The following AQP9 variants were observed in gnomAD, a reference collection of about 807,000 sequenced individuals.
The protein encoded by AQP9 is aquaporin-9.
AQP9 carries 19 observed loss-of-function variants against 23.8 expected under a neutral mutation model. The ratio of observed to expected loss-of-function variants is 0.80; its 90% CI spans 0.56 to 1.17. The LOEUF (loss-of-function observed/expected upper bound fraction) is 1.17, where lower values mean the gene tolerates loss of function less well. Among genes scored for constraint, AQP9 ranks in the 50% most tolerant of loss-of-function variants. The probability of loss-of-function intolerance (pLI) is 0.00; values close to 1 mark genes in which losing one functional copy is unlikely to be tolerated. For synonymous variants in AQP9, 153 were observed against 131.5 expected, an observed-to-expected ratio of 1.16 and a Z score of -1.12; for missense variants, 413 against 362.0, an observed-to-expected ratio of 1.14 and a Z score of -1.14.
intron 1 of AQP9, among the ~76,000 whole-genome samples, chr15:58,140,214 T>C (rs919379333): frequency 6.8e-6 from 1 of 147,362 alleles, no homozygotes; most frequent in Non-Finnish European, 1.5e-5. Context: ...TTTTTTTTTT[T>C]GCAACCAAAA....
In AQP9 at chr15:58,157,703, G is replaced by A. The variant is rs189227353; in HGVS notation, c.112-8970G>A. Among the ~76,000 whole-genome samples, 36 of 152,182 alleles carry A rather than the reference G, an allele frequency of 2.4e-4. 1 individual carries two copies. Among genetic ancestry groups the A allele is most frequent in the Non-Finnish European group, 1.8e-4 (12 of 68,032 alleles). On this transcript the variant is annotated intron_variant, in intron 1 of 5. Transcript: ENST00000219919. Reference sequence around the variant, plus strand: ...GTGTGAGAGAGAACAAGAGAGGAAAGGGTTTAACTCTACCTTTCACTCTAG... The same window carrying A: ...GTGTGAGAGAGAACAAGAGAGGAAAAGGTTTAACTCTACCTTTCACTCTAG...
chr15:58,167,797 A>T (rs1193530688), intron 2 of AQP9, among the ~76,000 whole-genome samples: 1 of 152,072 alleles, frequency 6.6e-6, no homozygotes, highest in Non-Finnish European at 1.5e-5. Context: ...ATCTTGGCTC[A>T]CTGCAACCTA....
At chr15:58,167,325 C>T (rs1898531323) in intron 2 of AQP9, among the ~76,000 whole-genome samples, 1 of 152,164 alleles carries the variant, frequency 6.6e-6, no homozygotes, top group Non-Finnish European at 1.5e-5. Flanking sequence ...TTCTCAAAAG[C>T]AAAATGAAAT....
intron 1 of AQP9, chr15:58,155,950 C>G (rs1257043803): frequency 1.3e-5 from 2 of 152,144 alleles, no homozygotes; most frequent in African/African-American, 4.8e-5. Flanking sequence ...CGGAGGGCAG[C>G]CAATCAGCTA....
chr15:58,159,549 TATACA>T (rs1248958075), intron 1 of AQP9, among the ~76,000 whole-genome samples: 2 of 152,206 alleles, frequency 1.3e-5, no homozygotes, highest in African/African-American at 2.4e-5. Context: ...GACTTTGAAA[TATACA>T]ATACATTATT....
At chr15:58,174,380 G>A (rs1475774933) in intron 3 of AQP9, among the ~76,000 whole-genome samples, 1 of 152,126 alleles carries the variant, frequency 6.6e-6, no homozygotes. Context: ...GAGTCTAAAA[G>A]GGCTAAAATG....
intron 1 of AQP9, 111 bp from the exon 2 acceptor site, chr15:58,166,562 C>A: frequency 7.1e-7 from 1 of 1,402,994 alleles, no homozygotes; most frequent in Non-Finnish European, 9.6e-7. Flanking sequence ...GTATAAAACC[C>A]AAGGCAACCC....
intron 1 of AQP9, among the ~76,000 whole-genome samples, chr15:58,147,741 T>G (rs1318398465): frequency 6.6e-6 from 1 of 152,016 alleles, no homozygotes; most frequent in African/African-American, 2.4e-5. Context: ...GGTGATTGGT[T>G]AAAAAAATGG....
chr15:58,140,011 G>A (rs1441942165), intron 1 of AQP9, among the ~76,000 whole-genome samples: 3 of 152,170 alleles, frequency 2.0e-5, no homozygotes, highest in Non-Finnish European at 4.4e-5. Context: ...ACTGCTTACT[G>A]GAAAATCTTT....
At chr15:58,150,736 C>A (rs529705615) in intron 1 of AQP9, 2 of 152,098 alleles carry the variant, frequency 1.3e-5, no homozygotes, top group African/African-American at 4.8e-5. Context: ...CTTATGAATG[C>A]GGATTTGACT....
chr15:58,155,065 C>T (rs1420715234), intron 1 of AQP9: 2 of 152,260 alleles, frequency 1.3e-5, no homozygotes, highest in Admixed American at 6.5e-5. Context: ...CTTTGGCTCA[C>T]TTATTTGTGC....
intron 1 of AQP9, among the ~76,000 whole-genome samples, chr15:58,166,450 C>G (rs1287339002): frequency 2.0e-5 from 3 of 152,206 alleles, no homozygotes; most frequent in Admixed American, 6.5e-5. Flanking sequence ...AAAATCTGAG[C>G]ATTGTGCAGG....
chr15:58,184,084 A>C lies in AQP9; in HGVS notation c.837A>C (p.Thr279=), dbSNP rs1167796383. 1.2e-6 allele frequency: 2 copies of C among 1,614,140 alleles called. No individual in the cohort carries two copies. Among genetic ancestry groups the C allele is most frequent in the Non-Finnish European group, 1.7e-6 (2 of 1,179,988 alleles). The change falls in exon 6 of 6, where the codon ACA becomes ACC. Residue 279 remains threonine, a synonymous_variant. Coordinates refer to ENST00000219919, the MANE Select transcript of AQP9 (RefSeq NM_020980.5). The stretch of plus-strand genomic sequence containing the variant: ...CAGAGCCTGACTCAGTCTTTAAGAC[A>C]GAACAATCTGAGGACAAACCAGAGA... ...HHPEPDSVFK[T]EQSEDKPEKY... is the part of the protein sequence containing the mutation.
intron 5 of AQP9, among the ~76,000 whole-genome samples, chr15:58,182,339 A>T (rs1261699652): frequency 6.6e-6 from 1 of 152,176 alleles, no homozygotes; most frequent in Non-Finnish European, 1.5e-5. Flanking sequence ...GCAAATGATC[A>T]CTATTTGTGT....
chr15:58,142,085 C>T (rs1253665459), intron 1 of AQP9, among the ~76,000 whole-genome samples: 2 of 152,070 alleles, frequency 1.3e-5, no homozygotes, highest in Non-Finnish European at 2.9e-5. Context: ...ATCATGCATC[C>T]CGGGAATCAG....
In AQP9 at chr15:58,166,699, A is replaced by C; in HGVS notation, c.138A>C (p.Gln46His). 16 of 1,611,938 alleles carry C rather than the reference A, an allele frequency of 9.9e-6. No homozygotes were observed. The highest frequency in any genetic ancestry group is 1.4e-5 in the Non-Finnish European group (16 of 1,178,882). ...TCCTTGGATGTGGCTGTGTTGCCCA[A>C]GCTATTCTCAGTCGAGGACGTTTTG... ...LIVLGCGCVA[Q>H]AILSRGRFGG... The change falls in exon 2 of 6, where the codon CAA becomes CAC. Residue 46 changes from glutamine (Q) to histidine (H), a missense_variant. By Grantham distance (24) the Gln-to-His change is conservative. Coordinates refer to ENST00000219919, the MANE Select transcript of AQP9 (RefSeq NM_020980.5).
chr15:58,153,749 C>G (rs1312263258), intron 1 of AQP9: 1 of 152,118 alleles, frequency 6.6e-6, no homozygotes, highest in East Asian at 1.9e-4. Flanking sequence ...TCCTCACAGG[C>G]TTTTATTCTA....
At chr15:58,183,111 G>C (rs1216200712) in intron 5 of AQP9, among the ~76,000 whole-genome samples, 1 of 152,138 alleles carries the variant, frequency 6.6e-6, no homozygotes, top group African/African-American at 2.4e-5. Context: ...ACATGCCTCT[G>C]GGTACTCCTC....
chr15:58,169,495 G>C (rs561785512), intron 2 of AQP9, among the ~76,000 whole-genome samples: 1 of 152,314 alleles, frequency 6.6e-6, no homozygotes, highest in South Asian at 2.1e-4. Flanking sequence ...AGGAATAGGG[G>C]AAGATTGTGT....
Sources: allele counts gnomAD v4.1 joint callset (sites outside exome capture counted in the v4.1 genomes callset), GRCh38; gene constraint gnomAD v4.1.1; transcripts MANE v1.5; gene names NCBI Gene and HGNC (gene_info 2026-07-23, HGNC 2026-07-21).